Variants in ZNF234 observed in about 807,000 individuals in gnomAD.
ZNF234 encodes C2-H2 type zinc finger protein.
ZNF234 carries 4 observed loss-of-function variants against 10.3 expected under a neutral mutation model. The observed-to-expected ratio is 0.39, with a 90% CI of 0.19 to 0.89. The LOEUF is 0.89. Among genes scored for constraint, ZNF234 ranks in the 40% least tolerant of loss-of-function variants. ZNF234 has a pLI of 0.38. For missense variants in ZNF234, 711 were observed against 836.1 expected, an observed-to-expected ratio of 0.85 and a Z score of 1.85; for synonymous variants, 258 against 280.1, an observed-to-expected ratio of 0.92 and a Z score of 0.79.
chr19:44,144,563 A>T lies in ZNF234; in HGVS notation c.-70A>T. ...CTTTTTGTGTCTTCCATAGTGTTCCAGGCACGATTCTGCCTTCTCTCAAAT... is the reference window on the plus strand; with the variant it reads ...CTTTTTGTGTCTTCCATAGTGTTCCTGGCACGATTCTGCCTTCTCTCAAAT... On this transcript the variant is annotated 5_prime_UTR_variant, in exon 3 of 6. Transcript: ENST00000426739. The T allele has an allele frequency of 7.1e-7, 1 of 1,414,168 alleles. No individual in the cohort carries two copies. The highest frequency in any genetic ancestry group is 1.8e-5 in the South Asian group (1 of 56,616). The allele number at this position is 1,414,168 out of a possible 1,614,324, so 87.6% of individuals were successfully genotyped here.
intron 5 of ZNF234, among the ~76,000 whole-genome samples, chr19:44,153,088 T>G (rs1968782981): frequency 6.7e-6 from 1 of 150,018 alleles, no homozygotes; most frequent in Admixed American, 6.6e-5. Context: ...AATTGTCACA[T>G]CATCATAGAG....
chr19:44,159,625 G>C lies in ZNF234; in HGVS notation c.*1506G>C, dbSNP rs536858344. ...CTCTAACACTTTTAAAGTGTCAGAA[G>C]TAGTTGCCAATGCCAAATTTTTATC... On this transcript the variant is annotated 3_prime_UTR_variant, in exon 6 of 6. Coordinates refer to ENST00000426739, the MANE Select transcript of ZNF234 (RefSeq NM_006630.3). 2.1e-6 allele frequency: 1 copy of C among 475,278 alleles called. No homozygotes were observed. The highest frequency in any genetic ancestry group is 5.8e-5 in the East Asian group (1 of 17,324). 29.4% of individuals were successfully genotyped at this position (475,278 alleles called of 1,614,324 possible). A position where few individuals can be genotyped will look rare whatever the true frequency, so the allele number is the denominator to read the frequency against.
chr19:44,158,387 G>A lies in ZNF234; in HGVS notation c.*268G>A, dbSNP rs1391213959. ...ATTCTCCTGCCTCAGTGGATTACAGGTGCACACCACCACGCCTGGCTAATT... is the reference window on the plus strand; with the variant it reads ...ATTCTCCTGCCTCAGTGGATTACAGATGCACACCACCACGCCTGGCTAATT... On this transcript the variant is annotated 3_prime_UTR_variant, in exon 6 of 6. Transcript: ENST00000426739. The A allele has an allele frequency of 1.2e-5, 5 of 425,498 alleles. No homozygotes were observed. Among genetic ancestry groups the A allele is most frequent in the Non-Finnish European group, 2.2e-5 (5 of 230,142 alleles). 26.4% of individuals were successfully genotyped at this position (425,498 alleles called of 1,614,324 possible).
Position 44,158,248 on chromosome 19 carries a change from A to AC in ZNF234, c.*130dup, listed in dbSNP as rs1412598352. ...TGTAACGCTCCACATTTCCACCTAG[A>AC]CTTTTTTTTGTTTTTTATTTTTTGT... On this transcript the variant is annotated 3_prime_UTR_variant, in exon 6 of 6. Coordinates refer to ENST00000426739, the MANE Select transcript of ZNF234 (RefSeq NM_006630.3). 9.1e-7 allele frequency: 1 copy of AC among 1,095,642 alleles called. No homozygotes were observed. The highest frequency in any genetic ancestry group is 1.8e-5 in the Admixed American group (1 of 54,770). The allele number at this position is 1,095,642 out of a possible 1,614,324, so 67.9% of individuals were successfully genotyped here.
rs1249874413 is a variant in ZNF234, at chr19:44,158,350, C to A, written c.*231C>A. On this transcript the variant is annotated 3_prime_UTR_variant, in exon 6 of 6. Transcript: ENST00000426739. ...TCAGCTCACTGTAACCTCCACTTCC[C>A]GGGTTCAAGTGATTCTCCTGCCTCA... is the stretch of plus-strand genomic sequence containing the variant. 6.0e-6 allele frequency: 3 copies of A among 499,518 alleles called. No homozygotes were observed. Among genetic ancestry groups the A allele is most frequent in the Admixed American group, 3.1e-5 (1 of 32,180 alleles). The allele number at this position is 499,518 out of a possible 1,614,324, so 30.9% of individuals were successfully genotyped here. A position where few individuals can be genotyped will look rare whatever the true frequency, so the allele number is the denominator to read the frequency against.
rs776221545 is a variant in ZNF234 at position 44,157,245 on chromosome 19, G to T, written c.1229G>T (p.Arg410Ile). The T allele has an allele frequency of 3.1e-6, 5 of 1,614,052 alleles. No individual in the cohort carries two copies. The South Asian group carries it at 4.4e-5, about 14-fold the overall frequency. Reference protein sequence around the residue: ...YKCNECGKSFRMKIHYQVHLV... With the variant: ...YKCNECGKSFIMKIHYQVHLV... ...TGCAATGAGTGTGGGAAGAGCTTCA[G>T]AATGAAAATTCATTATCAAGTGCAT... The change falls in exon 6 of 6, where the codon AGA (arginine) becomes ATA (isoleucine). Residue 410 changes from arginine to isoleucine, a missense_variant. Transcript: ENST00000426739.
At chr19:44,147,623 C>T (rs1968633008) in intron 3 of ZNF234, among the ~76,000 whole-genome samples, 1 of 152,180 alleles carries the variant, frequency 6.6e-6, no homozygotes, top group South Asian at 2.1e-4. Flanking sequence ...GAGGCCAAGG[C>T]AGGCGGATCA....
In ZNF234 at chr19:44,141,716, C is replaced by G. The variant is rs1968466906; in HGVS notation, c.-148C>G. ...GGTGGTCCGGTTATGGGAAAAGAAG[C>G]CTCGTGGGAGAGCAGAGGTTTGGTG... On this transcript the variant is annotated 5_prime_UTR_variant, in exon 1 of 6. Transcript: ENST00000426739. The surrounding 1 kb of genome is among the most constrained non-coding windows in gnomAD (Gnocchi z 4.6). The G allele has an allele frequency of 6.6e-6, 1 of 152,424 alleles. No homozygotes were observed. Among genetic ancestry groups the G allele is most frequent in the Non-Finnish European group, 1.5e-5 (1 of 68,090 alleles). The allele number at this position is 152,424 out of a possible 1,614,324, so 9.4% of individuals were successfully genotyped here.
intron 3 of ZNF234, 165 bp from the exon 4 acceptor site, chr19:44,148,606 C>G: frequency 2.1e-6 from 2 of 952,768 alleles, no homozygotes; most frequent in South Asian, 1.3e-5. Context: ...TAAGGAAAAT[C>G]AAAGTGTGGC....
At chr19:44,143,291 G>T (rs972811211) in intron 2 of ZNF234, among the ~76,000 whole-genome samples, 1 of 152,116 alleles carries the variant, frequency 6.6e-6, no homozygotes, top group African/African-American at 2.4e-5. Context: ...CCAGGAGTTT[G>T]AGACCCGCCT....
intron 5 of ZNF234, among the ~76,000 whole-genome samples, chr19:44,151,194 T>G (rs949058764): frequency 6.6e-6 from 1 of 152,006 alleles, no homozygotes; most frequent in Admixed American, 6.6e-5. Context: ...AGCCACATCA[T>G]CCTCCCTGCT....
Position 44,160,102 on chromosome 19 carries a change from C to T in ZNF234, c.*1983C>T, listed in dbSNP as rs2122170572. The T allele has an allele frequency of 1.3e-5, 2 of 151,464 alleles. No individual in the cohort carries two copies. Among genetic ancestry groups the T allele is most frequent in the Middle Eastern group, 7.0e-3 (2 of 286 alleles). The allele number at this position is 151,464 out of a possible 1,614,324, so 9.4% of individuals were successfully genotyped here. ...TTGCCCCACACCCATTAAGCGAATA[C>T]CAAAAACAACTTGTGGAAATTTGAT... On this transcript the variant is annotated 3_prime_UTR_variant, in exon 6 of 6. Transcript: ENST00000426739.
intron 5 of ZNF234, among the ~76,000 whole-genome samples, chr19:44,154,708 C>G (rs1968838010): frequency 1.4e-5 from 2 of 146,354 alleles, no homozygotes; most frequent in South Asian, 4.3e-4. Context: ...TCATGGTTCA[C>G]TGCAGCTTCT....
rs758204749 is a variant in ZNF234 at position 44,156,501 on chromosome 19, A to G, written c.485A>G (p.Asn162Ser). 1.7e-5 allele frequency: 27 copies of G among 1,614,136 alleles called. No homozygotes were observed. In the African/African-American group the frequency reaches 3.5e-4, roughly 21 times the overall value. Residue 162 changes from asparagine (N) to serine (S), a missense_variant, in exon 6 of 6, where the codon AAC (asparagine) becomes AGC (serine). Transcript: ENST00000426739. Reference sequence around the variant, plus strand: ...AAAAAATCCTTCACTGATGTCTTCAACTTTGATCTTCATCAACAGTTACAC... The same window carrying G: ...AAAAAATCCTTCACTGATGTCTTCAGCTTTGATCTTCATCAACAGTTACAC... ...EYKKSFTDVF[N>S]FDLHQQLHSG...
chr19:44,143,960 G>A (rs868622906), intron 2 of ZNF234, among the ~76,000 whole-genome samples: 3 of 152,234 alleles, frequency 2.0e-5, no homozygotes, highest in Middle Eastern at 3.4e-3. Context: ...GACTCAGAAC[G>A]CAGTCTTGTT....
chr19:44,152,030 C>T (rs1049584166), intron 5 of ZNF234, among the ~76,000 whole-genome samples: 19 of 152,102 alleles, frequency 1.2e-4, no homozygotes, highest in African/African-American at 4.6e-4. Flanking sequence ...CCTTATTTGC[C>T]CTTGTCTTTG....
intron 3 of ZNF234, among the ~76,000 whole-genome samples, chr19:44,146,808 T>C (rs10415664): frequency 0.2 from 829 of 4,222 alleles, 8 homozygotes; most frequent in African/African-American, 0.33. Flanking sequence ...CTCTCTCTCT[T>C]TTTTTTTTTT....
rs748501897 is a variant in ZNF234 at position 44,157,559 on chromosome 19, G to A, written c.1543G>A (p.Glu515Lys). Reference sequence around the variant, plus strand: ...CACAGGGGAGAAACCATATAATTGTGAGGAGTGTGGGAAGGTCTTCAGTCA... The same window carrying A: ...CACAGGGGAGAAACCATATAATTGTAAGGAGTGTGGGAAGGTCTTCAGTCA... ...IHTGEKPYNCEECGKVFSQAS... is the reference protein window; with the variant it reads ...IHTGEKPYNCKECGKVFSQAS... The change falls in exon 6 of 6, where the codon GAG (glutamate) becomes AAG (lysine). Residue 515 changes from glutamate to lysine, a missense_variant. Glu to Lys is a moderately conservative substitution (Grantham distance 56). Transcript: ENST00000426739. 5.6e-6 allele frequency: 9 copies of A among 1,614,050 alleles called. No homozygotes were observed. The Admixed American group carries it at 1.3e-4, about 24-fold the overall frequency.
chr19:44,148,635 G>A, intron 3 of ZNF234, 136 bp from the exon 4 acceptor site: 2 of 1,230,274 alleles, frequency 1.6e-6, no homozygotes, highest in Non-Finnish European at 2.4e-6. Flanking sequence ...GATGGAAGGA[G>A]AAGGGCTGAG....
Sources: allele counts gnomAD v4.1 joint callset (sites outside exome capture counted in the v4.1 genomes callset), GRCh38; gene constraint gnomAD v4.1.1; non-coding constraint Gnocchi (gnomAD v3.1); transcripts MANE v1.5; gene names NCBI Gene and HGNC (gene_info 2026-07-23, HGNC 2026-07-21).